The following HIPK3 variants were observed in gnomAD, a reference collection of about 807,000 sequenced individuals.
HIPK3 encodes homeodomain interacting protein kinase 3.
HIPK3 carries 47 observed loss-of-function variants against 124.2 expected under a neutral mutation model. The observed-to-expected ratio is 0.38, with a 90% confidence interval of 0.30 to 0.48. The LOEUF is 0.48. Among genes scored for constraint, HIPK3 ranks in the 20% least tolerant of loss-of-function variants. The pLI, the probability that HIPK3 is intolerant of heterozygous loss-of-function variation, is 0.98. For missense variants in HIPK3, 1,286 were observed against 1,454.3 expected, an observed-to-expected ratio of 0.88 and a Z score of 1.88; for synonymous variants, 482 against 515.2, an observed-to-expected ratio of 0.94 and a Z score of 0.87.
intron 2 of HIPK3, among the ~76,000 whole-genome samples, chr11:33,318,525 T>G (rs186293548): frequency 0.01 from 1,559 of 152,358 alleles, 8 homozygotes; most frequent in Non-Finnish European, 0.015. Flanking sequence ...TATTAAAAGT[T>G]TTTATATGAA....
In HIPK3 at chr11:33,295,025, C is replaced by T. The variant is rs577911856; in HGVS notation, c.1097+7514C>T. Among the ~76,000 whole-genome samples, 6 of 152,158 alleles carry T rather than the reference C, an allele frequency of 3.9e-5. No individual in the cohort carries two copies. In the East Asian group the frequency reaches 9.7e-4, roughly 25 times the overall value. ...AGTAGCATTGAGCTCACAGCAAAGT[C>T]GCCCCTTCCCCCCCAGCGATAAACA... On this transcript the variant is annotated intron_variant, in intron 2 of 16. Coordinates refer to ENST00000303296, the MANE Select transcript of HIPK3 (RefSeq NM_005734.5).
chr11:33,273,560 G>C (rs887103314), intron 1 of HIPK3, among the ~76,000 whole-genome samples: 4 of 138,852 alleles, frequency 2.9e-5, no homozygotes, highest in African/African-American at 1.1e-4. Flanking sequence ...ACAATACTTT[G>C]CAAAATTCCT....
At chr11:33,312,896 A>G (rs1852392781) in intron 2 of HIPK3, among the ~76,000 whole-genome samples, 1 of 152,218 alleles carries the variant, frequency 6.6e-6, no homozygotes, top group Non-Finnish European at 1.5e-5. Context: ...GGCTGCAGTG[A>G]CGTTTACAAT....
rs891878916 is a variant in HIPK3 at position 33,353,198 on chromosome 11, C to A, written c.3278C>A (p.Ser1093Tyr). The A allele has an allele frequency of 3.1e-6, 5 of 1,613,734 alleles. No individual in the cohort carries two copies. In the African/African-American group the frequency reaches 5.3e-5, roughly 17 times the overall value. ...TSVTSNPFTL[S>Y]HGSPNHTAVH... ...GTTACCAGTAATCCATTCACTCTTT[C>A]TCATGGAAGTCCCAATCACACAGCA... Residue 1093 changes from serine to tyrosine, a missense_variant, in exon 17 of 17, where the codon TCT becomes TAT. Coordinates refer to ENST00000303296, the MANE Select transcript of HIPK3 (RefSeq NM_005734.5).
intron 1 of HIPK3, among the ~76,000 whole-genome samples, chr11:33,269,441 G>A (rs539308078): frequency 4.6e-5 from 7 of 151,778 alleles, no homozygotes; most frequent in African/African-American, 1.7e-4. Context: ...AACATCTGGA[G>A]CTTGTCCAAA....
chr11:33,348,339 G>A (rs1853559671), intron 12 of HIPK3, 111 bp downstream of exon 12: 3 of 1,065,380 alleles, frequency 2.8e-6, no homozygotes, highest in South Asian at 1.5e-5. Flanking sequence ...GTATGTAAAT[G>A]CAGTCTACAT....
intron 1 of HIPK3, among the ~76,000 whole-genome samples, chr11:33,272,135 C>T (rs942114680): frequency 6.6e-5 from 10 of 152,100 alleles, no homozygotes; most frequent in African/African-American, 1.4e-4. Context: ...CAGTGGCTCA[C>T]GCCTGTAATC....
In HIPK3 at chr11:33,299,639, C is replaced by G. The variant is rs140078481; in HGVS notation, c.1097+12128C>G. ...TGGCTCCAATTTTGAAAGAAGTTCTCCTGTGGGTAAAACATCATTAAATAG... is the reference window on the plus strand; with the variant it reads ...TGGCTCCAATTTTGAAAGAAGTTCTGCTGTGGGTAAAACATCATTAAATAG... On this transcript the variant is annotated intron_variant, in intron 2 of 16. Transcript: ENST00000303296. Among the ~76,000 whole-genome samples the G allele has an allele frequency of 1.5e-3, 235 of 152,286 alleles. 4 individuals carry two copies. In the East Asian group the frequency reaches 0.044, roughly 28 times the overall value.
chr11:33,353,067 A>ATT (rs372470144), intron 16 of HIPK3, 25 bp from the exon 17 acceptor site: 384 of 1,039,950 alleles, frequency 3.7e-4, no homozygotes, highest in South Asian at 8.5e-4. Context: ...TTATTCAGTC[A>ATT]TTTTTTTTTT....
chr11:33,304,643 T>C (rs1027278198), intron 2 of HIPK3, among the ~76,000 whole-genome samples: 1 of 152,230 alleles, frequency 6.6e-6, no homozygotes, highest in Admixed American at 6.5e-5. Flanking sequence ...ATTTCTCCTT[T>C]TATATTGTGG....
chr11:33,335,666 A>T (rs1285454940), intron 3 of HIPK3: 3 of 151,856 alleles, frequency 2.0e-5, no homozygotes, highest in Admixed American at 6.6e-5. Flanking sequence ...AGGATAGAAG[A>T]TATTGAACAT....
chr11:33,278,811 T>A (rs1368714345), intron 1 of HIPK3, among the ~76,000 whole-genome samples: 1 of 151,550 alleles, frequency 6.6e-6, no homozygotes, highest in African/African-American at 2.4e-5. Context: ...GCCACTGCAC[T>A]CCAGCCTGGG....
intron 2 of HIPK3, among the ~76,000 whole-genome samples, chr11:33,292,823 C>T (rs544850516): frequency 5.3e-5 from 8 of 152,240 alleles, no homozygotes; most frequent in South Asian, 4.2e-4. Context: ...GCAAGCTCCG[C>T]GTCCCGGGTT....
chr11:33,344,234 T>A (rs999001812), intron 8 of HIPK3, among the ~76,000 whole-genome samples: 10 of 152,098 alleles, frequency 6.6e-5, no homozygotes, highest in Admixed American at 2.0e-4. Flanking sequence ...TGTTTAAAAA[T>A]TTTTTTTAAT....
chr11:33,266,908 A>C (rs1850980700), intron 1 of HIPK3, among the ~76,000 whole-genome samples: 1 of 152,134 alleles, frequency 6.6e-6, no homozygotes, highest in Non-Finnish European at 1.5e-5. Flanking sequence ...AAAGAAGGTC[A>C]TATTTCTCAG....
At chr11:33,289,819 C>T (rs1244798097) in intron 2 of HIPK3, among the ~76,000 whole-genome samples, 1 of 152,182 alleles carries the variant, frequency 6.6e-6, no homozygotes, top group Non-Finnish European at 1.5e-5. Context: ...CCATCTACTA[C>T]CCTTCCTAGA....
chr11:33,292,038 A>G (rs1464468378), intron 2 of HIPK3, among the ~76,000 whole-genome samples: 1 of 152,214 alleles, frequency 6.6e-6, no homozygotes, highest in East Asian at 1.9e-4. Context: ...ATTAAGCTAC[A>G]TAGGAAGACC....
At position 33,324,296 on chromosome 11, in the gene HIPK3, A is replaced by G. The variant is rs577991092; in HGVS notation, c.1098-4214A>G. The stretch of plus-strand genomic sequence containing the variant: ...CTGGTAGAACTGTCATGTCTCTGGC[A>G]GTTTCATCTAGATTTTAAGTGCTTT... On this transcript the variant is annotated intron_variant, in intron 2 of 16. Coordinates refer to ENST00000303296, the MANE Select transcript of HIPK3 (RefSeq NM_005734.5). 4.6e-5 allele frequency among the ~76,000 whole-genome samples: 7 copies of G among 152,252 alleles called. No individual in the cohort carries two copies. In the East Asian group the frequency reaches 1.3e-3, roughly 29 times the overall value.
At chr11:33,318,941 A>G (rs770958400) in intron 2 of HIPK3, among the ~76,000 whole-genome samples, 10 of 152,250 alleles carry the variant, frequency 6.6e-5, no homozygotes, top group Non-Finnish European at 8.8e-5. Flanking sequence ...GAAATGGAAT[A>G]GAGAAAGAGG....
Sources: allele counts gnomAD v4.1 joint callset (sites outside exome capture counted in the v4.1 genomes callset), GRCh38; gene constraint gnomAD v4.1.1; transcripts MANE v1.5; gene names NCBI Gene and HGNC (gene_info 2026-07-23, HGNC 2026-07-21).